EEA1: variants seen among roughly 807,000 people sequenced by gnomAD.
EEA1 encodes early endosome antigen 1.
Under a neutral mutation model 209.2 loss-of-function variants are expected in EEA1, and 111 were observed. The ratio of observed to expected loss-of-function variants is 0.53; its 90% confidence interval spans 0.45 to 0.62. The LOEUF (loss-of-function observed/expected upper bound fraction) is 0.62. Ranked by LOEUF, EEA1 falls within the 20% of genes least tolerant of loss-of-function variation. The pLI is 0.00. For synonymous variants in EEA1, 536 were observed against 540.6 expected, an observed-to-expected ratio of 0.99 and a Z score of 0.12; for missense variants, 1,343 against 1,530.8, an observed-to-expected ratio of 0.88 and a Z score of 2.05.
rs368178953 is a variant in EEA1, at chr12:92,857,184, G to A, written c.366+91C>T. ...ATTAGGAAGTTATTTATATCAGGCC[G>A]CCACCTGCTTGCAAAAAGGTATTAA... On this transcript the variant is annotated intron_variant, in intron 5 of 28. Coordinates refer to ENST00000322349, the MANE Select transcript of EEA1 (RefSeq NM_003566.4). 7.5e-5 allele frequency: 67 copies of A among 897,060 alleles called. 1 individual carries two copies. The Admixed American group carries it at 8.6e-4, about 12-fold the overall frequency. 55.6% of individuals were successfully genotyped at this position (897,060 alleles called of 1,614,324 possible).
At chr12:92,872,516 G>A (rs1354544707) in intron 2 of EEA1, among the ~76,000 whole-genome samples, 1 of 152,226 alleles carries the variant, frequency 6.6e-6, no homozygotes, top group Non-Finnish European at 1.5e-5. Flanking sequence ...CCCAGCAGAT[G>A]ATTCTTCCTT....
At chr12:92,895,018 T>C (rs1246294887) in intron 1 of EEA1, among the ~76,000 whole-genome samples, 1 of 152,192 alleles carries the variant, frequency 6.6e-6, no homozygotes, top group Admixed American at 6.5e-5. Context: ...TGATCATTTA[T>C]ACCGTTCTGA....
Position 92,780,835 on chromosome 12 carries a change from TATCA to T in EEA1, c.3337-428_3337-425del, listed in dbSNP as rs1156269228. 2.0e-5 allele frequency among the ~76,000 whole-genome samples: 3 copies of T among 152,328 alleles called. No homozygotes were observed. The East Asian group carries it at 5.8e-4, about 29-fold the overall frequency. ...AAGGTTTAAGAGACATAAAATAATC[TATCA>T]GAGATAGAGCCAAAACCAAAGCAAG... On this transcript the variant is annotated intron_variant, in intron 23 of 28. Coordinates refer to ENST00000322349, the MANE Select transcript of EEA1 (RefSeq NM_003566.4).
intron 2 of EEA1, among the ~76,000 whole-genome samples, chr12:92,878,289 C>T (rs1878998835): frequency 6.6e-6 from 1 of 151,520 alleles, no homozygotes; most frequent in South Asian, 2.1e-4. Flanking sequence ...AAAACAAAAA[C>T]AAAAAACAAA....
In EEA1 at chr12:92,779,208, T is replaced by C; in HGVS notation, c.3561A>G (p.Glu1187=). The change falls in exon 25 of 29, where the codon GAA becomes GAG. Residue 1187 remains glutamate, a synonymous_variant. Coordinates refer to ENST00000322349, the MANE Select transcript of EEA1 (RefSeq NM_003566.4). ...GTATCTGCTGATTTCTCTTCTCCTG[T>C]TCAACAGCTGCCTTCAGGGAGTCCG... ...GKADSLKAAV[E]QEKRNQQILK... is the part of the protein sequence containing the mutation. 6.2e-7 allele frequency: 1 copy of C among 1,611,700 alleles called. No individual in the cohort carries two copies. Among genetic ancestry groups the C allele is most frequent in the Non-Finnish European group, 8.5e-7 (1 of 1,179,236 alleles).
chr12:92,817,767 C>T (rs1408291016), intron 14 of EEA1, among the ~76,000 whole-genome samples: 5 of 152,038 alleles, frequency 3.3e-5, no homozygotes, highest in Non-Finnish European at 7.4e-5. Context: ...AATGTTTTGT[C>T]CCAGCACATA....
rs777327843 is a variant in EEA1 at position 92,819,516 on chromosome 12, A to G, written c.1525-5T>C. 8 of 1,567,870 alleles carry G rather than the reference A, an allele frequency of 5.1e-6. No individual in the cohort carries two copies. Among genetic ancestry groups the G allele is most frequent in the South Asian group, 2.4e-5 (2 of 81,718 alleles). ...TAGAACTTGTTCCAAATCATTCTGT[A>G]AAGAATTGAAAACTACTACTTTAAG... On this transcript the variant is annotated splice_polypyrimidine_tract_variant and splice_region_variant and intron_variant, in intron 13 of 28. Transcript: ENST00000322349.
intron 9 of EEA1, among the ~76,000 whole-genome samples, chr12:92,849,839 A>C (rs1282980463): frequency 6.6e-6 from 1 of 152,230 alleles, no homozygotes; most frequent in Non-Finnish European, 1.5e-5. Context: ...GATTCAAATT[A>C]AAATGTTACG....
At chr12:92,881,847 T>C (rs767450770) in intron 2 of EEA1, among the ~76,000 whole-genome samples, 8 of 152,178 alleles carry the variant, frequency 5.3e-5, no homozygotes, top group Non-Finnish European at 1.2e-4. Context: ...TTATATATGT[T>C]ATTACAGCTG....
intron 12 of EEA1, among the ~76,000 whole-genome samples, chr12:92,826,847 T>C (rs1387137805): frequency 6.6e-6 from 1 of 152,214 alleles, no homozygotes; most frequent in Non-Finnish European, 1.5e-5. Flanking sequence ...GCATTTAGTT[T>C]ATTATTTTTT....
intron 17 of EEA1, among the ~76,000 whole-genome samples, chr12:92,810,822 A>G (rs1196905813): frequency 6.6e-6 from 1 of 152,120 alleles, no homozygotes; most frequent in African/African-American, 2.4e-5. Context: ...ACAGTTTATC[A>G]TAGTCTCAAT....
Position 92,808,397 on chromosome 12 carries a change from A to C in EEA1, c.2339+620T>G, listed in dbSNP as rs1192301599. Reference sequence around the variant, plus strand: ...TGAATTTCGCATCAATAAGAAAAACAAGAAGGCACACTGGTTTTTGTGTTT... The same window carrying C: ...TGAATTTCGCATCAATAAGAAAAACCAGAAGGCACACTGGTTTTTGTGTTT... On this transcript the variant is annotated intron_variant, in intron 18 of 28. Transcript: ENST00000322349. 2.0e-5 allele frequency among the ~76,000 whole-genome samples: 3 copies of C among 152,210 alleles called. No individual in the cohort carries two copies. The East Asian group carries it at 5.8e-4, about 29-fold the overall frequency.
At chr12:92,815,753 A>T (rs578250645) in intron 15 of EEA1, among the ~76,000 whole-genome samples, 7 of 152,304 alleles carry the variant, frequency 4.6e-5, no homozygotes, top group African/African-American at 1.4e-4. Flanking sequence ...AGGAAGATTT[A>T]AAAAATCAAA....
In EEA1 at chr12:92,832,835, A is replaced by C. The variant is rs1454481015; in HGVS notation, c.931T>G (p.Leu311Val). 6.2e-7 allele frequency: 1 copy of C among 1,602,002 alleles called. No individual in the cohort carries two copies. The highest frequency in any genetic ancestry group is 1.1e-5 in the South Asian group (1 of 87,554). Residue 311 changes from leucine (L) to valine (V), a missense_variant, in exon 11 of 29, where the codon TTG becomes GTG. By Grantham distance (32) the Leu-to-Val change is conservative (BLOSUM62 1). Transcript: ENST00000322349. ...TQKNQTLTEN[L>V]LKKEQDYTKL... is the part of the protein sequence containing the mutation. ...GTATAGTCTTGTTCTTTTTTCAGCA[A>C]GTTTTCTGTCAAGGTCTAAAATATC...
intron 21 of EEA1, among the ~76,000 whole-genome samples, chr12:92,790,292 T>C (rs1337066168): frequency 2.0e-5 from 3 of 152,206 alleles, no homozygotes; most frequent in Non-Finnish European, 4.4e-5. Flanking sequence ...TTTGACGAGT[T>C]GACAGATGTA....
chr12:92,902,256 T>C (rs980492072), intron 1 of EEA1, among the ~76,000 whole-genome samples: 2 of 152,042 alleles, frequency 1.3e-5, no homozygotes, highest in African/African-American at 2.4e-5. Flanking sequence ...AGGTACACAA[T>C]GGACCAAAAA....
chr12:92,838,454 G>C (rs1877022852), intron 10 of EEA1, among the ~76,000 whole-genome samples: 1 of 152,132 alleles, frequency 6.6e-6, no homozygotes, highest in African/African-American at 2.4e-5. Context: ...ATCAAACAGA[G>C]GGACAAAGGC....
intron 1 of EEA1, among the ~76,000 whole-genome samples, chr12:92,923,935 T>C (rs1592782280): frequency 6.7e-6 from 1 of 150,024 alleles, no homozygotes; most frequent in Non-Finnish European, 1.5e-5. Flanking sequence ...ATAATTATAA[T>C]AACACTGAAA....
intron 21 of EEA1, among the ~76,000 whole-genome samples, chr12:92,792,404 G>T (rs1395347442): frequency 3.3e-5 from 5 of 151,934 alleles, no homozygotes; most frequent in African/African-American, 1.2e-4. Flanking sequence ...GAAGAAAAGA[G>T]AGAAGAATCA....
Sources: gnomAD v4.1 joint callset for allele counts (sites outside exome capture counted in the v4.1 genomes callset) on GRCh38, gnomAD v4.1.1 for gene constraint, MANE v1.5 for transcripts, NCBI Gene and HGNC (gene_info 2026-07-23, HGNC 2026-07-21) for gene names.